The following MALRD1 variants were observed in gnomAD, a reference collection of about 807,000 sequenced individuals.
MALRD1 encodes MAM and LDL-receptor class A domain-containing protein 1.
Under a neutral mutation model 242.1 loss-of-function variants are expected in MALRD1, and 247 were observed. The observed-to-expected ratio is 1.02, with a 90% CI of 0.92 to 1.13. MALRD1 has a LOEUF of 1.13. Among genes scored for constraint, MALRD1 ranks in the 50% most tolerant of loss-of-function variants. MALRD1 has a pLI of 0.00. For missense variants in MALRD1, 2,989 were observed against 2,533.1 expected (o/e 1.18, Z -3.86); for synonymous variants, 995 against 866.6 (o/e 1.15, Z -2.60).
intron 26 of MALRD1, among the ~76,000 whole-genome samples, chr10:19,384,379 A>C (rs1427946799): frequency 8.9e-6 from 1 of 112,976 alleles, no homozygotes; most frequent in African/African-American, 3.5e-5. Context: ...ATAATATAAT[A>C]TTTACTATAT....
chr10:19,409,583 G>A (rs1000550046), intron 28 of MALRD1, among the ~76,000 whole-genome samples: 4 of 151,128 alleles, frequency 2.6e-5, no homozygotes, highest in Non-Finnish European at 5.9e-5. Flanking sequence ...CAATCCTTGT[G>A]GTAATTGAAA....
intron 32 of MALRD1, among the ~76,000 whole-genome samples, chr10:19,557,964 A>G (rs1312480990): frequency 6.6e-6 from 1 of 152,022 alleles, no homozygotes; most frequent in Non-Finnish European, 1.5e-5. Context: ...CATAGATATC[A>G]TGTACTTTTT....
At chr10:19,501,579 G>A (rs1837973454) in intron 31 of MALRD1, among the ~76,000 whole-genome samples, 1 of 152,168 alleles carries the variant, frequency 6.6e-6, no homozygotes, top group African/African-American at 2.4e-5. Context: ...ACAACAACTA[G>A]TACCCCCTTA....
intron 28 of MALRD1, among the ~76,000 whole-genome samples, chr10:19,393,365 A>C (rs1846416982): frequency 6.6e-6 from 1 of 152,042 alleles, no homozygotes; most frequent in East Asian, 1.9e-4. Context: ...GTTTTACAAC[A>C]TGAAATTAAC....
intron 21 of MALRD1, among the ~76,000 whole-genome samples, chr10:19,312,548 A>C (rs192557750): frequency 2.6e-5 from 4 of 151,236 alleles, no homozygotes; most frequent in Middle Eastern, 3.2e-3. Flanking sequence ...GTGAATACAC[A>C]TATATAGGAG....
intron 29 of MALRD1, among the ~76,000 whole-genome samples, chr10:19,467,640 C>A (rs12245764): frequency 0.51 from 75,948 of 150,258 alleles, 19,437 homozygotes; most frequent in African/African-American, 0.59. Flanking sequence ...TGCCCTTGAA[C>A]CATACCTTAT....
chr10:19,130,921 T>C (rs1158623845), intron 8 of MALRD1, among the ~76,000 whole-genome samples: 1 of 152,088 alleles, frequency 6.6e-6, no homozygotes, highest in African/African-American at 2.4e-5. Context: ...GTTATCAAGA[T>C]TCTGTCTCTC....
chr10:19,433,381 C>T (rs184300324), intron 28 of MALRD1, among the ~76,000 whole-genome samples: 92 of 152,182 alleles, frequency 6.0e-4, no homozygotes, highest in African/African-American at 2.1e-3. Context: ...AATTGGAAGA[C>T]TCTTTGAAAG....
intron 30 of MALRD1, among the ~76,000 whole-genome samples, chr10:19,493,705 T>G (rs995042894): frequency 4.6e-5 from 7 of 151,276 alleles, no homozygotes; most frequent in African/African-American, 1.7e-4. Context: ...TCCCAGCCAC[T>G]TGGGAGGCTG....
intron 29 of MALRD1, among the ~76,000 whole-genome samples, chr10:19,474,627 A>G (rs1486348477): frequency 6.6e-6 from 1 of 152,022 alleles, no homozygotes; most frequent in African/African-American, 2.4e-5. Flanking sequence ...ATCTGCTAAT[A>G]TTATTTTATA....
At chr10:19,328,977 T>A (rs1475726422) in intron 23 of MALRD1, among the ~76,000 whole-genome samples, 1 of 152,212 alleles carries the variant, frequency 6.6e-6, no homozygotes, top group African/African-American at 2.4e-5. Context: ...CTTAACTAGT[T>A]CTGTGCATGT....
At chr10:19,660,965 G>A (rs1158979776) in intron 36 of MALRD1, among the ~76,000 whole-genome samples, 1 of 152,132 alleles carries the variant, frequency 6.6e-6, no homozygotes, top group African/African-American at 2.4e-5. Context: ...CCATCAAAAA[G>A]TGGGCGAAGG....
chr10:19,320,041 C>CTTTTTTTTTTTTTT (rs34481531), intron 21 of MALRD1, among the ~76,000 whole-genome samples: 1 of 73,070 alleles, frequency 1.4e-5, no homozygotes, highest in African/African-American at 5.7e-5. Context: ...TATAAAACTG[C>CTTTTTTTTTTTTTT]TTTTTTTTTT....
chr10:19,632,567 T>A (rs1398119249), intron 36 of MALRD1, among the ~76,000 whole-genome samples: 1 of 152,136 alleles, frequency 6.6e-6, no homozygotes, highest in Non-Finnish European at 1.5e-5. Flanking sequence ...AATAATGATT[T>A]TTTTGATAAC....
At chr10:19,626,813 T>C (rs1350100063) in intron 36 of MALRD1, among the ~76,000 whole-genome samples, 2 of 152,162 alleles carry the variant, frequency 1.3e-5, no homozygotes, top group Admixed American at 1.3e-4. Flanking sequence ...TTAATTACAT[T>C]GGCTAATTAA....
At chr10:19,667,030 A>G (rs1167828582) in intron 36 of MALRD1, among the ~76,000 whole-genome samples, 2 of 152,080 alleles carry the variant, frequency 1.3e-5, no homozygotes, top group African/African-American at 4.8e-5. Flanking sequence ...TGAAACACTA[A>G]ATGGGACAGA....
rs1371540360 is a variant in MALRD1 at position 19,335,196 on chromosome 10, T to TG, written c.3901+3614_3901+3615insG. Among the ~76,000 whole-genome samples, 21 of 150,686 alleles carry TG rather than the reference T, an allele frequency of 1.4e-4. 1 individual carries two copies. Among genetic ancestry groups the TG allele is most frequent in the South Asian group, 8.4e-4 (4 of 4,784 alleles). ...CCTCTTGTTCTGTTTTTTTTTGTTT[T>TG]TTTTTTTTTTTAGATTTGAGTGGGC... On this transcript the variant is annotated intron_variant, in intron 24 of 39. Transcript: ENST00000454679.
intron 31 of MALRD1, among the ~76,000 whole-genome samples, chr10:19,501,738 A>T (rs1434192799): frequency 1.3e-5 from 2 of 152,192 alleles, no homozygotes; most frequent in Non-Finnish European, 2.9e-5. Flanking sequence ...AACTCAGTAG[A>T]AAAAGAAACA....
chr10:19,283,902 T>A (rs2131891475), intron 21 of MALRD1, among the ~76,000 whole-genome samples: 1 of 152,280 alleles, frequency 6.6e-6, no homozygotes, highest in South Asian at 2.1e-4. Context: ...AACGAGTGAC[T>A]GAAACAGATG....
Sources: gnomAD v4.1 joint callset for allele counts (sites outside exome capture counted in the v4.1 genomes callset) on GRCh38, gnomAD v4.1.1 for gene constraint, MANE v1.5 for transcripts, NCBI Gene and HGNC (gene_info 2026-07-23, HGNC 2026-07-21) for gene names.